SUCLG2: variants seen among roughly 807,000 people sequenced by gnomAD.
SUCLG2 encodes succinate--CoA ligase [GDP-forming] subunit beta, mitochondrial.
A neutral mutation model predicts 47.9 loss-of-function variants in SUCLG2; 42 were observed. The observed-to-expected ratio is 0.88, with a 90% CI of 0.69 to 1.14. SUCLG2 has a LOEUF of 1.14. SUCLG2 is among the 50% of genes most tolerant of loss of function. SUCLG2 has a pLI of 0.00. For synonymous variants in SUCLG2, 195 were observed against 197.3 expected (o/e 0.99, Z 0.10); for missense variants, 571 against 525.9 (o/e 1.09, Z -0.84).
chr3:67,552,666 T>A (rs1707048013), intron 2 of SUCLG2, among the ~76,000 whole-genome samples: 1 of 152,210 alleles, frequency 6.6e-6, no homozygotes. Context: ...ATAAGTCACT[T>A]AACCTCCATA....
At chr3:67,478,093 T>A (rs1048622444) in intron 9 of SUCLG2, among the ~76,000 whole-genome samples, 1 of 152,084 alleles carries the variant, frequency 6.6e-6, no homozygotes, top group East Asian at 1.9e-4. Context: ...GCCACCAGGA[T>A]TCAAACTTAG....
chr3:67,531,011 C>T (rs1056868845), intron 2 of SUCLG2, among the ~76,000 whole-genome samples: 1 of 152,156 alleles, frequency 6.6e-6, no homozygotes, highest in Non-Finnish European at 1.5e-5. Flanking sequence ...AGAGAAGAAA[C>T]AACTGAGATT....
intron 1 of SUCLG2, among the ~76,000 whole-genome samples, chr3:67,630,788 C>A (rs1020261138): frequency 6.6e-6 from 1 of 152,232 alleles, no homozygotes; most frequent in Non-Finnish European, 1.5e-5. Flanking sequence ...AGTTGAAATA[C>A]AAGGTGAACC....
chr3:67,521,085 T>A (rs1706090659), intron 4 of SUCLG2, among the ~76,000 whole-genome samples: 2 of 152,242 alleles, frequency 1.3e-5, no homozygotes, highest in African/African-American at 4.8e-5. Flanking sequence ...TTCATATGTT[T>A]GTGTATTTCT....
At chr3:67,589,993 T>C (rs1008294768) in intron 2 of SUCLG2, among the ~76,000 whole-genome samples, 1 of 152,210 alleles carries the variant, frequency 6.6e-6, no homozygotes. Flanking sequence ...CCTTGATTTA[T>C]ATATGCATTT....
At chr3:67,550,007 T>C (rs1191396535) in intron 2 of SUCLG2, among the ~76,000 whole-genome samples, 1 of 152,214 alleles carries the variant, frequency 6.6e-6, no homozygotes, top group African/African-American at 2.4e-5. Context: ...CTACTGGGCT[T>C]AAACCACTTC....
intron 10 of SUCLG2, among the ~76,000 whole-genome samples, chr3:67,366,362 A>C (rs572336388): frequency 6.6e-6 from 1 of 152,170 alleles, no homozygotes; most frequent in Admixed American, 6.5e-5. Context: ...AAACAAAACA[A>C]AAAAACCCCA....
At chr3:67,515,169 T>G (rs1195063790) in intron 6 of SUCLG2, among the ~76,000 whole-genome samples, 1 of 152,208 alleles carries the variant, frequency 6.6e-6, no homozygotes, top group Non-Finnish European at 1.5e-5. Context: ...TTACAGTATA[T>G]TGCTATTGTT....
chr3:67,551,158 G>A (rs537321006), intron 2 of SUCLG2, among the ~76,000 whole-genome samples: 2 of 152,278 alleles, frequency 1.3e-5, no homozygotes, highest in East Asian at 3.9e-4. Flanking sequence ...TGGTTGATGA[G>A]ATGGTTGATG....
intron 10 of SUCLG2, among the ~76,000 whole-genome samples, chr3:67,366,681 G>A (rs2363709): frequency 0.91 from 138,625 of 152,206 alleles, 63,323 homozygotes; most frequent in East Asian, 0.99. Context: ...CATATTTGCA[G>A]CCTGAGCACT....
chr3:67,642,248 G>A (rs1701114565), intron 1 of SUCLG2, among the ~76,000 whole-genome samples: 2 of 152,166 alleles, frequency 1.3e-5, no homozygotes, highest in African/African-American at 4.8e-5. Flanking sequence ...GATGTGCAGG[G>A]CAACAGCTGT....
At chr3:67,602,220 G>C (rs903169666) in intron 2 of SUCLG2, among the ~76,000 whole-genome samples, 1 of 152,098 alleles carries the variant, frequency 6.6e-6, no homozygotes, top group Non-Finnish European at 1.5e-5. Flanking sequence ...CAGGCACATG[G>C]TAAAGGCCCA....
At chr3:67,502,638 A>G (rs1705528843) in intron 7 of SUCLG2, among the ~76,000 whole-genome samples, 1 of 152,192 alleles carries the variant, frequency 6.6e-6, no homozygotes, top group Non-Finnish European at 1.5e-5. Context: ...TATACTTAAG[A>G]GCTTCCCATT....
chr3:67,619,262 C>G (rs571964608), intron 1 of SUCLG2, among the ~76,000 whole-genome samples: 2 of 152,166 alleles, frequency 1.3e-5, no homozygotes, highest in Admixed American at 6.6e-5. Context: ...AGCATTACCT[C>G]GTGAGATTCT....
intron 10 of SUCLG2, among the ~76,000 whole-genome samples, chr3:67,386,972 CCTCT>C (rs767383047): frequency 1.6e-4 from 25 of 152,154 alleles, no homozygotes; most frequent in Non-Finnish European, 2.8e-4. Context: ...TCTGTGCTTG[CCTCT>C]CTCTTTGTAT....
chr3:67,538,348 T>C (rs1706603657), intron 2 of SUCLG2, among the ~76,000 whole-genome samples: 1 of 152,198 alleles, frequency 6.6e-6, no homozygotes, highest in Non-Finnish European at 1.5e-5. Flanking sequence ...TTGTTTGTAT[T>C]TGTCAGGTTT....
intron 2 of SUCLG2, among the ~76,000 whole-genome samples, chr3:67,543,676 AATAAATGAGCAACAACCAAACT>A (rs1706780888): frequency 6.6e-6 from 1 of 152,186 alleles, no homozygotes; most frequent in South Asian, 2.1e-4. Context: ...AAAACAAATA[AATAAATGAGCAACAACCAAACT>A]ATTAACTGAG....
At chr3:67,441,622 A>AGATGTTGTT (rs1394711632) in intron 9 of SUCLG2, among the ~76,000 whole-genome samples, 5 of 152,180 alleles carry the variant, frequency 3.3e-5, no homozygotes, top group Admixed American at 3.3e-4. Context: ...GAGTGATAAT[A>AGATGTTGTT]GATGTTGTTC....
chr3:67,595,152 G>A (rs1708265662), intron 2 of SUCLG2, among the ~76,000 whole-genome samples: 1 of 146,894 alleles, frequency 6.8e-6, no homozygotes, highest in Admixed American at 6.8e-5. Flanking sequence ...CTGGTCATGT[G>A]GAAAATTTTA....
Sources: gnomAD v4.1 joint callset for allele counts (sites outside exome capture counted in the v4.1 genomes callset) on GRCh38, gnomAD v4.1.1 for gene constraint, MANE v1.5 for transcripts, NCBI Gene and HGNC (gene_info 2026-07-23, HGNC 2026-07-21) for gene names.